The following IQSEC1 variants were observed in gnomAD, a reference collection of about 807,000 sequenced individuals.
The protein encoded by IQSEC1 is IQ motif and Sec7 domain ArfGEF 1.
A neutral mutation model predicts 91.0 loss-of-function variants in IQSEC1; 31 were observed. The observed-to-expected ratio is 0.34, with a 90% CI of 0.26 to 0.46. IQSEC1 has a LOEUF of 0.46. IQSEC1 is among the 20% of genes least tolerant of loss of function. The probability of loss-of-function intolerance (pLI) is 1.00; values close to 1 mark genes in which losing one functional copy is unlikely to be tolerated. For missense variants in IQSEC1, 1,388 were observed against 1,575.6 expected (o/e 0.88, Z 2.02); for synonymous variants, 699 against 662.6 (o/e 1.05, Z -0.84).
chr3:13,014,194 T>C (rs544732055), intron 1 of IQSEC1, among the ~76,000 whole-genome samples: 6 of 152,172 alleles, frequency 3.9e-5, no homozygotes, highest in Admixed American at 1.3e-4. Flanking sequence ...TCATCAAGCC[T>C]CCCCTAACCA....
At chr3:13,252,584 G>C (rs1695213049) in intron 1 of IQSEC1, among the ~76,000 whole-genome samples, 1 of 152,178 alleles carries the variant, frequency 6.6e-6, no homozygotes, top group Admixed American at 6.5e-5. Context: ...GGGATGCAAT[G>C]GTGAGTCTAT....
intron 1 of IQSEC1, among the ~76,000 whole-genome samples, chr3:13,003,574 G>A (rs956841849): frequency 6.6e-6 from 1 of 152,178 alleles, no homozygotes; most frequent in Non-Finnish European, 1.5e-5. Context: ...TGTAAATATA[G>A]TAATAATAAC....
At chr3:13,033,518 T>C (rs944280233) in intron 1 of IQSEC1, among the ~76,000 whole-genome samples, 2 of 152,018 alleles carry the variant, frequency 1.3e-5, no homozygotes, top group African/African-American at 4.8e-5. Context: ...CATATATATG[T>C]ATATGTATAT....
Position 13,145,208 on chromosome 3 carries a change from T to G in IQSEC1, c.302+18896A>C, listed in dbSNP as rs75235776. On this transcript the variant is annotated intron_variant, in intron 2 of 15. Coordinates refer to the IQSEC1 transcript ENST00000648114. ...TGGCCTGCAATGACAGAAAACCCTA[T>G]GAAGAGTAGCTTAGAACACAAAGGC... Among the ~76,000 whole-genome samples, 1,518 of 152,244 alleles carry G rather than the reference T, an allele frequency of 1.0e-2. 24 individuals carry two copies. The highest frequency in any genetic ancestry group is 0.035 in the African/African-American group (1,462 of 41,546).
At chr3:13,169,134 C>A (rs181178153) in intron 1 of IQSEC1, among the ~76,000 whole-genome samples, 3 of 152,178 alleles carry the variant, frequency 2.0e-5, no homozygotes, top group Non-Finnish European at 4.4e-5. Context: ...TGAATTCCCA[C>A]GTGTTGTGGG....
chr3:13,099,398 G>A (rs1397876827), intron 2 of IQSEC1, among the ~76,000 whole-genome samples: 2 of 152,172 alleles, frequency 1.3e-5, no homozygotes, highest in Non-Finnish European at 2.9e-5. Flanking sequence ...TCTCAAAGCT[G>A]GTAGGAAAAA....
At chr3:13,209,360 G>A (rs112606793) in intron 1 of IQSEC1, among the ~76,000 whole-genome samples, 1,680 of 152,322 alleles carry the variant, frequency 0.011, 31 homozygotes, top group African/African-American at 0.038. Context: ...AAATGTGCCT[G>A]GCCTGCAATT....
intron 1 of IQSEC1, among the ~76,000 whole-genome samples, chr3:12,948,764 T>A (rs1373603510): frequency 6.6e-6 from 1 of 152,202 alleles, no homozygotes; most frequent in African/African-American, 2.4e-5. Flanking sequence ...TGTTCTAAGC[T>A]GTATATGGAA....
chr3:13,054,878 T>C (rs904989662), intron 1 of IQSEC1, among the ~76,000 whole-genome samples: 4 of 152,304 alleles, frequency 2.6e-5, no homozygotes, highest in Non-Finnish European at 4.4e-5. Context: ...TGAGCCTCAG[T>C]TTCCTCATTT....
intron 1 of IQSEC1, among the ~76,000 whole-genome samples, chr3:13,260,643 C>T (rs532115361): frequency 6.6e-6 from 1 of 152,194 alleles, no homozygotes; most frequent in African/African-American, 2.4e-5. Flanking sequence ...CCTGACCCGC[C>T]GCTGCCTCTT....
At chr3:13,271,058 G>A (rs1695582721) in intron 1 of IQSEC1, among the ~76,000 whole-genome samples, 1 of 152,182 alleles carries the variant, frequency 6.6e-6, no homozygotes, top group African/African-American at 2.4e-5. Flanking sequence ...ATTTCATAAT[G>A]ATAAAAGGGA....
rs1402181596 is a variant in IQSEC1, at chr3:12,922,661, C to A, written c.1731-419G>T. Among the ~76,000 whole-genome samples the A allele has an allele frequency of 6.6e-6, 1 of 152,118 alleles. No homozygotes were observed. The highest frequency in any genetic ancestry group is 2.4e-5 in the African/African-American group (1 of 41,420). On this transcript the variant is annotated intron_variant, in intron 4 of 13. Coordinates refer to ENST00000613206, the MANE Select transcript of IQSEC1 (RefSeq NM_001134382.3). The surrounding 1 kb of genome is among the most constrained non-coding windows in gnomAD (Gnocchi z 5.1). ...ATTTTCACAGTGAGGAAAGGGGCGC[C>A]CAGGGTGTTGACTTTCAGAATAAGC...
chr3:13,002,677 AG>A (rs1702471067), intron 1 of IQSEC1, among the ~76,000 whole-genome samples: 1 of 152,242 alleles, frequency 6.6e-6, no homozygotes, highest in Non-Finnish European at 1.5e-5. Context: ...AATGGGCAAA[AG>A]GTTTGAATAC....
Position 12,935,312 on chromosome 3 carries a change from C to G in IQSEC1, c.1568+136G>C. The G allele has an allele frequency of 1.2e-6, 1 of 836,636 alleles. No homozygotes were observed. 51.8% of individuals were successfully genotyped at this position (836,636 alleles called of 1,614,324 possible). A position where few individuals can be genotyped will look rare whatever the true frequency, so the allele number is the denominator to read the frequency against. On this transcript the variant is annotated intron_variant, in intron 3 of 13. Coordinates refer to ENST00000613206, the MANE Select transcript of IQSEC1 (RefSeq NM_001134382.3). The surrounding 1 kb of genome is among the most constrained non-coding windows in gnomAD (Gnocchi z 8.0). ...GGCTGGCACCGTCCTAGCCACCGAC[C>G]TTGTGTGGCAGCTTCCTATGCTCAT...
chr3:13,073,438 G>A (rs1207862736), upstream of IQSEC1, among the ~76,000 whole-genome samples: 11 of 152,236 alleles, frequency 7.2e-5, no homozygotes, highest in East Asian at 2.1e-3. Flanking sequence ...CCGGAGAAGG[G>A]GCGGGCGCGC....
chr3:13,200,419 T>C lies in IQSEC1; in HGVS notation c.273-36286A>G, dbSNP rs575992314. ...GACTTGAGCGGCCTCTCCAGACTCA[T>C]GTTTCTCTTTCTGCTTCCTCAGACT... is the stretch of plus-strand genomic sequence containing the variant. On this transcript the variant is annotated intron_variant, in intron 1 of 15. Transcript: ENST00000648114. Among the ~76,000 whole-genome samples, 4 of 152,358 alleles carry C rather than the reference T, an allele frequency of 2.6e-5. No homozygotes were observed. In the South Asian group the frequency reaches 8.3e-4, roughly 32 times the overall value.
intron 1 of IQSEC1, among the ~76,000 whole-genome samples, chr3:12,947,087 T>C (rs1576010065): frequency 6.6e-6 from 1 of 152,192 alleles, no homozygotes; most frequent in Admixed American, 6.5e-5. Context: ...TATGCTCCTA[T>C]CAAGAGCTGG....
intron 2 of IQSEC1, among the ~76,000 whole-genome samples, chr3:13,117,382 C>G (rs1303820163): frequency 2.7e-5 from 4 of 150,236 alleles, no homozygotes; most frequent in African/African-American, 9.8e-5. Flanking sequence ...GTCAGGAGAT[C>G]GAGATCATCC....
rs117364728 is a variant in IQSEC1, at chr3:13,114,302, C to T, written c.302+49802G>A. ...TGTCCCTGTTCTCAGGGGATATATG[C>T]CCAAGAATTACAGGTGGGGTGTCAC... On this transcript the variant is annotated intron_variant, in intron 2 of 15. Coordinates refer to the IQSEC1 transcript ENST00000648114. Among the ~76,000 whole-genome samples, 12 of 152,186 alleles carry T rather than the reference C, an allele frequency of 7.9e-5. No individual in the cohort carries two copies. The East Asian group carries it at 2.1e-3, about 27-fold the overall frequency.
Sources: allele counts gnomAD v4.1 joint callset (sites outside exome capture counted in the v4.1 genomes callset), GRCh38; gene constraint gnomAD v4.1.1; non-coding constraint Gnocchi (gnomAD v3.1); transcripts MANE v1.5; gene names NCBI Gene and HGNC (gene_info 2026-07-23, HGNC 2026-07-21).